SH3GLB2: variants seen among roughly 807,000 people sequenced by gnomAD.
SH3GLB2 encodes SH3 domain containing GRB2 like, endophilin B2, also known as endophilin-B2.
Under a neutral mutation model 48.0 loss-of-function variants are expected in SH3GLB2, and 24 were observed. The observed-to-expected ratio is 0.50, with a 90% CI of 0.36 to 0.70. The LOEUF is 0.70. Ranked by LOEUF, SH3GLB2 falls within the 30% of genes least tolerant of loss-of-function variation. The probability of loss-of-function intolerance (pLI) is 0.00; values close to 1 mark genes in which losing one functional copy is unlikely to be tolerated. For synonymous variants in SH3GLB2, 227 were observed against 207.6 expected (o/e 1.09, Z -0.80); for missense variants, 425 against 516.0 (o/e 0.82, Z 1.71).
Position 129,013,099 on chromosome 9 carries a change from C to A in SH3GLB2, c.562-801G>T, listed in dbSNP as rs570882219. 6.0e-6 allele frequency: 9 copies of A among 1,500,828 alleles called. No homozygotes were observed. The African/African-American group carries it at 9.7e-5, about 16-fold the overall frequency. 93.0% of individuals were successfully genotyped at this position (1,500,828 alleles called of 1,614,324 possible). ...AGTCCACAGCGCAGGCAGGAGCAGG[C>A]CCCCCAGGCCCCAGTGGGAGGGGAC... On this transcript the variant is annotated intron_variant, in intron 5 of 10. Transcript: ENST00000372564.
intron 3 of SH3GLB2, among the ~76,000 whole-genome samples, chr9:129,017,659 G>C (rs1437759176): frequency 1.3e-5 from 2 of 151,930 alleles, no homozygotes; most frequent in Admixed American, 6.6e-5. Flanking sequence ...CCAGCACTCT[G>C]GGAGGCCAAG....
intron 1 of SH3GLB2, among the ~76,000 whole-genome samples, chr9:129,027,738 A>T (rs920107706): frequency 5.9e-5 from 9 of 152,336 alleles, no homozygotes; most frequent in African/African-American, 2.2e-4. Context: ...CCAGGTCGCT[A>T]AATGCCCCGC....
At position 129,021,200 on chromosome 9, in the gene SH3GLB2, G is replaced by A; in HGVS notation, c.225C>T (p.Phe75=). The change falls in exon 3 of 11, where the codon TTC becomes TTT. Residue 75 remains phenylalanine (F), a synonymous_variant. Transcript: ENST00000372564. Reference sequence around the variant, plus strand: ...CCTTCCTGTCCAGCTTCTCATACAGGAACTCCTCCACTCGGGCACCTGTGG... The same window carrying A: ...CCTTCCTGTCCAGCTTCTCATACAGAAACTCCTCCACTCGGGCACCTGTGG... The part of the protein sequence containing the change: ...QPNPSARVEE[F]LYEKLDRKVP... The A allele has an allele frequency of 6.2e-7, 1 of 1,609,660 alleles. No homozygotes were observed. Among genetic ancestry groups the A allele is most frequent in the South Asian group, 1.1e-5 (1 of 90,552 alleles).
chr9:129,019,325 T>C (rs1211398902), intron 3 of SH3GLB2, among the ~76,000 whole-genome samples: 1 of 151,840 alleles, frequency 6.6e-6, no homozygotes, highest in African/African-American at 2.4e-5. Flanking sequence ...AAGGCAGAGG[T>C]TGCAGTGAGC....
chr9:129,018,400 A>AC (rs1362341890), intron 3 of SH3GLB2, among the ~76,000 whole-genome samples: 3 of 151,124 alleles, frequency 2.0e-5, no homozygotes, highest in South Asian at 2.1e-4. Context: ...ACATGGTGAG[A>AC]CCCCGTCTCT....
rs980754163 is a variant in SH3GLB2 at position 129,008,568 on chromosome 9, TGGG to T, written c.*113_*115del. 61 of 777,084 alleles carry T rather than the reference TGGG, an allele frequency of 7.8e-5. 1 individual carries two copies. The Admixed American group carries it at 1.3e-3, about 16-fold the overall frequency. 48.1% of individuals were successfully genotyped at this position (777,084 alleles called of 1,614,324 possible). A position where few individuals can be genotyped will look rare whatever the true frequency, so the allele number is the denominator to read the frequency against. On this transcript the variant is annotated 3_prime_UTR_variant, in exon 11 of 11. Transcript: ENST00000372564. ...TAGGTGACTAGGGGCAGGGACAGAA[TGGG>T]GTGAATTCTCCCCACTCTGAACAAC... is the stretch of plus-strand genomic sequence containing the variant.
At chr9:129,009,977 T>C in intron 8 of SH3GLB2, 106 bp from the exon 9 acceptor site, 1 of 1,377,516 alleles carries the variant, frequency 7.3e-7, no homozygotes, top group Non-Finnish European at 1.0e-6. Context: ...CATTCCAGGG[T>C]GCCCTGCCCC....
In SH3GLB2 at chr9:129,008,710, C is replaced by G. The variant is rs745594987; in HGVS notation, c.1162G>C (p.Val388Leu). The change falls in exon 11 of 11, where the codon GTC (valine) becomes CTC (leucine). Residue 388 changes from valine (V) to leucine (L), a missense_variant. Transcript: ENST00000372564. ...TAGCTGAGCAGTTCCAAGTAGGTGACAGGGACCTTGCCCTTCTTGTTGCCT... is the reference window on the plus strand; with the variant it reads ...TAGCTGAGCAGTTCCAAGTAGGTGAGAGGGACCTTGCCCTTCTTGTTGCCT... ...ERGNKKGKVP[V>L]TYLELLS 6.2e-7 allele frequency: 1 copy of G among 1,614,128 alleles called. No individual in the cohort carries two copies. The highest frequency in any genetic ancestry group is 1.1e-5 in the South Asian group (1 of 91,088).
chr9:129,012,193 A>G (rs1234895515), intron 6 of SH3GLB2, 43 bp downstream of exon 6: 2 of 791,142 alleles, frequency 2.5e-6, no homozygotes, highest in Non-Finnish European at 2.9e-6. Context: ...GGACGTGGGG[A>G]GAGAGGAGGA....
intron 3 of SH3GLB2, among the ~76,000 whole-genome samples, chr9:129,016,384 G>T (rs982589924): frequency 6.7e-6 from 1 of 149,378 alleles, no homozygotes; most frequent in African/African-American, 2.5e-5. Context: ...GATACGGCCG[G>T]GTGCGGTGGC....
At chr9:129,012,339 G>A in intron 5 of SH3GLB2, 41 bp from the exon 6 acceptor site, 2 of 1,225,314 alleles carry the variant, frequency 1.6e-6, no homozygotes, top group South Asian at 7.2e-5. Flanking sequence ...GGGTCACCCT[G>A]GGCCAGGGCC....
Position 129,028,183 on chromosome 9 carries a change from C to T in SH3GLB2, c.-29G>A, listed in dbSNP as rs1052273122. ...GTGCCCGCACGGCCGCCGCGCACGGCCCGAGCGCAGCCGGCAGCCCCCGGC... is the reference window on the plus strand; with the variant it reads ...GTGCCCGCACGGCCGCCGCGCACGGTCCGAGCGCAGCCGGCAGCCCCCGGC... On this transcript the variant is annotated 5_prime_UTR_variant, in exon 1 of 11. Coordinates refer to ENST00000372564, the MANE Select transcript of SH3GLB2 (RefSeq NM_020145.4). 2.2e-6 allele frequency: 3 copies of T among 1,345,124 alleles called. No individual in the cohort carries two copies. The highest frequency in any genetic ancestry group is 2.9e-6 in the Non-Finnish European group (3 of 1,042,524). The allele number at this position is 1,345,124 out of a possible 1,614,324, so 83.3% of individuals were successfully genotyped here. A position where few individuals can be genotyped will look rare whatever the true frequency, so the allele number is the denominator to read the frequency against.
In SH3GLB2 at chr9:129,024,556, C is replaced by CAA. The variant is rs1433422858; in HGVS notation, c.64-2135_64-2134dup. Among the ~76,000 whole-genome samples, 44 of 101,440 alleles carry CAA rather than the reference C, an allele frequency of 4.3e-4. 2 individuals are homozygous for CAA. The highest frequency in any genetic ancestry group is 1.5e-3 in the African/African-American group (41 of 28,008). The allele number at this position is 101,440 out of a possible 152,430, so 66.5% of individuals were successfully genotyped here. A position where few individuals can be genotyped will look rare whatever the true frequency, so the allele number is the denominator to read the frequency against. ...TGGGCCACAGAGTGCGACTCAGTCT[C>CAA]AAAAAAAAAAAAAAAAATTAGCTGG... On this transcript the variant is annotated intron_variant, in intron 1 of 10. Transcript: ENST00000372564.
chr9:129,024,843 G>A (rs1401951037), intron 1 of SH3GLB2, among the ~76,000 whole-genome samples: 4 of 150,710 alleles, frequency 2.7e-5, no homozygotes, highest in African/African-American at 9.8e-5. Flanking sequence ...GGTGGCAGGC[G>A]CCTGTAATCC....
At chr9:129,022,467 A>C in intron 1 of SH3GLB2, 44 bp from the exon 2 acceptor site, 2 of 1,402,346 alleles carry the variant, frequency 1.4e-6, no homozygotes, top group South Asian at 1.2e-5. Flanking sequence ...GGGAGAGCTC[A>C]GAAGGAGGTG....
At chr9:129,009,050 C>T in intron 10 of SH3GLB2, 56 bp downstream of exon 10, 1 of 1,597,220 alleles carries the variant, frequency 6.3e-7, no homozygotes, top group South Asian at 1.1e-5. Context: ...GATCCCAGTG[C>T]CCAGGCTGCT....
Position 129,014,348 on chromosome 9 carries a change from C to T in SH3GLB2, c.561+63G>A. On this transcript the variant is annotated intron_variant, in intron 5 of 10. Coordinates refer to ENST00000372564, the MANE Select transcript of SH3GLB2 (RefSeq NM_020145.4). The surrounding 1 kb of genome is among the most constrained non-coding windows in gnomAD (Gnocchi z 4.1). ...TGCCAAATACCAGGTCCCTTCATGC[C>T]ACCACCCCTTGGCTCCAGCCAGAGC... The T allele has an allele frequency of 1.4e-6, 2 of 1,467,988 alleles. No individual in the cohort carries two copies. Among genetic ancestry groups the T allele is most frequent in the Non-Finnish European group, 9.3e-7 (1 of 1,076,994 alleles). 90.9% of individuals were successfully genotyped at this position (1,467,988 alleles called of 1,614,324 possible). A position where few individuals can be genotyped will look rare whatever the true frequency, so the allele number is the denominator to read the frequency against.
intron 1 of SH3GLB2, 29 bp downstream of exon 1, chr9:129,028,063 C>G (rs1844267792): frequency 6.7e-7 from 1 of 1,496,796 alleles, no homozygotes; most frequent in Non-Finnish European, 8.9e-7. Context: ...ATCCGGGCCC[C>G]CGGCGCACGG....
In SH3GLB2 at chr9:129,009,439, C is replaced by T. The variant is rs1244248224; in HGVS notation, c.840-93G>A. The T allele has an allele frequency of 4.5e-6, 7 of 1,549,922 alleles. No homozygotes were observed. The Admixed American group carries it at 7.8e-5, about 17-fold the overall frequency. On this transcript the variant is annotated intron_variant, in intron 9 of 10. Coordinates refer to ENST00000372564, the MANE Select transcript of SH3GLB2 (RefSeq NM_020145.4). Reference sequence around the variant, plus strand: ...CCCAGCCCCAGGAGCCCCACTCCAGCCCCGGCTACTCACATGGCACCCTGG... The same window carrying T: ...CCCAGCCCCAGGAGCCCCACTCCAGTCCCGGCTACTCACATGGCACCCTGG...
Sources: gnomAD v4.1 joint callset for allele counts (sites outside exome capture counted in the v4.1 genomes callset) on GRCh38, gnomAD v4.1.1 for gene constraint, Gnocchi (gnomAD v3.1) non-coding constraint, MANE v1.5 for transcripts, NCBI Gene and HGNC (gene_info 2026-07-23, HGNC 2026-07-21) for gene names.